MED13: variants seen among roughly 807,000 people sequenced by gnomAD.
MED13 encodes the protein mediator complex subunit 13, also known as mediator of RNA polymerase II transcription subunit 13.
In MED13, 23 loss-of-function variants were observed where a neutral mutation model predicts 225.2. The observed-to-expected ratio is 0.10, with a 90% CI of 0.07 to 0.14. The LOEUF (loss-of-function observed/expected upper bound fraction) is 0.14, where lower values mean the gene tolerates loss of function less well. Ranked by LOEUF, MED13 falls within the 10% of genes least tolerant of loss-of-function variation. The pLI is 1.00. For synonymous variants in MED13, 942 were observed against 889.2 expected, an observed-to-expected ratio of 1.06 and a Z score of -1.06; for missense variants, 2,197 against 2,594.5, an observed-to-expected ratio of 0.85 and a Z score of 3.33.
At chr17:62,009,890 T>G (rs1401353267) in intron 9 of MED13, among the ~76,000 whole-genome samples, 1 of 152,160 alleles carries the variant, frequency 6.6e-6, no homozygotes, top group Non-Finnish European at 1.5e-5. Flanking sequence ...AATGAATAAC[T>G]AGAGCTACAC....
intron 23 of MED13, among the ~76,000 whole-genome samples, chr17:61,957,899 C>G (rs1021914056): frequency 6.6e-6 from 1 of 152,212 alleles, no homozygotes; most frequent in Non-Finnish European, 1.5e-5. Context: ...GAGTCTCACT[C>G]TGTCACTCAG....
At chr17:62,007,802 C>G (rs773868639) in intron 9 of MED13, among the ~76,000 whole-genome samples, 1 of 151,786 alleles carries the variant, frequency 6.6e-6, no homozygotes, top group East Asian at 2.0e-4. Flanking sequence ...GAGCCAAGAT[C>G]GCGCCACTTC....
chr17:61,959,726 CTTT>C (rs11288442), intron 23 of MED13, among the ~76,000 whole-genome samples: 13 of 119,652 alleles, frequency 1.1e-4, no homozygotes, highest in Admixed American at 4.3e-4. Flanking sequence ...GAACCCAAAT[CTTT>C]TTTTTTTTTT....
In MED13 at chr17:61,954,812, A is replaced by T. The variant is rs190619559; in HGVS notation, c.5968+570T>A. The stretch of plus-strand genomic sequence containing the variant: ...TTTTTAAAAAGTAAAGATTTATGGG[A>T]TAATTCACAGCACCAGTTCTGATAT... On this transcript the variant is annotated intron_variant, in intron 26 of 29. Coordinates refer to ENST00000397786, the MANE Select transcript of MED13 (RefSeq NM_005121.3). 1.1e-4 allele frequency among the ~76,000 whole-genome samples: 16 copies of T among 152,300 alleles called. No individual in the cohort carries two copies. In the East Asian group the frequency reaches 3.1e-3, roughly 29 times the overall value.
intron 28 of MED13, among the ~76,000 whole-genome samples, chr17:61,949,607 G>A (rs558294861): frequency 6.6e-6 from 1 of 152,126 alleles, no homozygotes; most frequent in East Asian, 1.9e-4. Context: ...TTTTAACACA[G>A]CAATCTACAC....
chr17:61,991,889 A>G (rs1325969721), intron 11 of MED13, among the ~76,000 whole-genome samples: 1 of 151,862 alleles, frequency 6.6e-6, no homozygotes, highest in Non-Finnish European at 1.5e-5. Context: ...CAAGTGATCC[A>G]CCCACCTTGG....
intron 3 of MED13, among the ~76,000 whole-genome samples, chr17:62,046,956 A>T (rs2080903039): frequency 6.6e-6 from 1 of 151,724 alleles, no homozygotes; most frequent in Non-Finnish European, 1.5e-5. Context: ...TCTGAGCTCA[A>T]GTGATCCTCC....
chr17:62,007,967 C>T (rs1030701041), intron 9 of MED13, among the ~76,000 whole-genome samples: 46 of 144,224 alleles, frequency 3.2e-4, no homozygotes, highest in African/African-American at 4.2e-4. Context: ...TCCAGTGAGC[C>T]GAGATCACGC....
At chr17:61,954,255 T>G (rs2079922129) in intron 26 of MED13, among the ~76,000 whole-genome samples, 1 of 152,206 alleles carries the variant, frequency 6.6e-6, no homozygotes, top group Non-Finnish European at 1.5e-5. Context: ...TGAGAGTTTT[T>G]AAGGTAGCTC....
intron 9 of MED13, among the ~76,000 whole-genome samples, chr17:61,999,538 G>A (rs967610744): frequency 6.6e-6 from 1 of 152,112 alleles, no homozygotes. Context: ...TTTGCCACGT[G>A]TATCTTATAT....
intron 3 of MED13, among the ~76,000 whole-genome samples, chr17:62,049,601 T>G (rs2080936492): frequency 6.6e-6 from 1 of 152,046 alleles, no homozygotes; most frequent in Non-Finnish European, 1.5e-5. Flanking sequence ...AAAGGGATAA[T>G]CATTAACACC....
rs752881849 is a variant in MED13, at chr17:61,982,845, G to T, written c.3158C>A (p.Pro1053His). The T allele has an allele frequency of 6.2e-7, 1 of 1,614,130 alleles. No individual in the cohort carries two copies. Among genetic ancestry groups the T allele is most frequent in the Non-Finnish European group, 8.5e-7 (1 of 1,180,026 alleles). Residue 1053 changes from proline (P) to histidine (H), a missense_variant, in exon 16 of 30, where the codon CCC (proline) becomes CAC (histidine). By Grantham distance (77) the Pro-to-His change is moderately conservative. Coordinates refer to ENST00000397786, the MANE Select transcript of MED13 (RefSeq NM_005121.3). Reference sequence around the variant, plus strand: ...AGTTGCAGGTTCAACAGAATTAAGGGGTCTGCATGTAGATGGGGTAGAAGC... The same window carrying T: ...AGTTGCAGGTTCAACAGAATTAAGGTGTCTGCATGTAGATGGGGTAGAAGC... ...SPASTPSTCR[P>H]LNSVEPATVP...
In MED13 at chr17:62,065,177, GC is replaced by G; in HGVS notation, c.28del (p.Ala10ProfsTer16). The G allele has an allele frequency of 6.3e-7, 1 of 1,580,230 alleles. No individual in the cohort carries two copies. The highest frequency in any genetic ancestry group is 8.6e-7 in the Non-Finnish European group (1 of 1,164,878). The part of the protein sequence containing the change: MSASFVPNG[A>X]SLEDCHCNLF... ...GTTACAGTGACAATCTTCCAGGCTG[GC>G]CCCGTTCGGCACGAAGGAGGCACTC... On this transcript the variant is annotated frameshift_variant, in exon 1 of 30. Transcript: ENST00000397786. LOFTEE classifies it high-confidence loss of function.
chr17:62,032,408 A>G (rs2080765390), intron 5 of MED13: 1 of 143,920 alleles, frequency 6.9e-6, no homozygotes, highest in Admixed American at 7.3e-5. Context: ...CGGGAGGTGG[A>G]GGTTGCAGTG....
chr17:62,056,982 T>A (rs2081000897), intron 2 of MED13, among the ~76,000 whole-genome samples: 1 of 152,120 alleles, frequency 6.6e-6, no homozygotes, highest in African/African-American at 2.4e-5. Flanking sequence ...AGTGCCAAAG[T>A]ATGTGATAAG....
chr17:62,043,056 T>TGA (rs1056345052), intron 3 of MED13, among the ~76,000 whole-genome samples: 10 of 147,498 alleles, frequency 6.8e-5, no homozygotes, highest in African/African-American at 2.5e-4. Flanking sequence ...TTTGGGAGGC[T>TGA]GAGGCAGGAG....
intron 2 of MED13, among the ~76,000 whole-genome samples, chr17:62,059,753 G>A (rs1367664474): frequency 2.0e-5 from 3 of 152,138 alleles, no homozygotes; most frequent in African/African-American, 7.2e-5. Flanking sequence ...AAAGAAAAGG[G>A]CAAGACAAAT....
rs1245100112 is a variant in MED13, at chr17:62,031,647, A to C, written c.815-9T>G. On this transcript the variant is annotated splice_polypyrimidine_tract_variant and intron_variant, in intron 5 of 29. Coordinates refer to ENST00000397786, the MANE Select transcript of MED13 (RefSeq NM_005121.3). The stretch of plus-strand genomic sequence containing the variant: ...GATCATTCGGACACCAGCTGAAAGG[A>C]AAAAAATGGGACAGGAAAACCAATT... 2 of 1,516,268 alleles carry C rather than the reference A, an allele frequency of 1.3e-6. No individual in the cohort carries two copies. Among genetic ancestry groups the C allele is most frequent in the Non-Finnish European group, 1.8e-6 (2 of 1,128,736 alleles). 93.9% of individuals were successfully genotyped at this position (1,516,268 alleles called of 1,614,324 possible). A position where few individuals can be genotyped will look rare whatever the true frequency, so the allele number is the denominator to read the frequency against.
chr17:61,949,801 C>A (rs1398887016), intron 28 of MED13, among the ~76,000 whole-genome samples: 1 of 152,052 alleles, frequency 6.6e-6, no homozygotes, highest in African/African-American at 2.4e-5. Context: ...GATTCTCCTG[C>A]CTCAGTCTCC....
Sources: gnomAD v4.1 joint callset for allele counts (sites outside exome capture counted in the v4.1 genomes callset) on GRCh38, gnomAD v4.1.1 for gene constraint, MANE v1.5 for transcripts, NCBI Gene and HGNC (gene_info 2026-07-23, HGNC 2026-07-21) for gene names.